Variants in CCDC60 observed in about 807,000 individuals in gnomAD.
The protein encoded by CCDC60 is coiled-coil domain containing 60, also known as coiled-coil domain-containing protein 60.
CCDC60 carries 54 observed loss-of-function variants against 63.5 expected under a neutral mutation model. The observed-to-expected ratio is 0.85, with a 90% confidence interval of 0.68 to 1.07. CCDC60 has a LOEUF of 1.07. Among genes scored for constraint, CCDC60 ranks in the 50% least tolerant of loss-of-function variants. CCDC60 has a pLI of 0.00. For missense variants in CCDC60, 651 were observed against 684.3 expected (o/e 0.95, Z 0.54); for synonymous variants, 206 against 238.8 (o/e 0.86, Z 1.27).
chr12:119,435,491 G>A (rs537033358), intron 2 of CCDC60, among the ~76,000 whole-genome samples: 4 of 152,320 alleles, frequency 2.6e-5, no homozygotes, highest in Admixed American at 2.0e-4. Flanking sequence ...GCTGGAAGGA[G>A]GAGGTAGTAA....
intron 1 of CCDC60, among the ~76,000 whole-genome samples, chr12:119,385,916 A>G (rs1187179017): frequency 1.3e-5 from 2 of 152,174 alleles, no homozygotes; most frequent in Non-Finnish European, 2.9e-5. Flanking sequence ...GTCTGTGCAA[A>G]TAGTCCCTTT....
chr12:119,454,448 A>G (rs891196355), intron 2 of CCDC60, among the ~76,000 whole-genome samples: 1 of 152,056 alleles, frequency 6.6e-6, no homozygotes, highest in Admixed American at 6.6e-5. Context: ...CTCATTTCTT[A>G]CAGGCTCAGA....
At position 119,420,967 on chromosome 12, in the gene CCDC60, C is replaced by A. The variant is rs1377870027; in HGVS notation, c.91-7716C>A. Among the ~76,000 whole-genome samples the A allele has an allele frequency of 6.6e-6, 1 of 152,194 alleles. No individual in the cohort carries two copies. The highest frequency in any genetic ancestry group is 2.4e-5 in the African/African-American group (1 of 41,444). ...ATGATCCCGCCTACTCTGTTCTTTA[C>A]AGCTTCTCCATAATGAGTCTGAAAT... On this transcript the variant is annotated intron_variant, in intron 1 of 13. Transcript: ENST00000327554. This position sits in a 1 kb window ranked among gnomAD's most constrained non-coding sequence, Gnocchi z 4.1.
chr12:119,394,856 A>AG (rs1956222516), intron 1 of CCDC60, among the ~76,000 whole-genome samples: 1 of 152,190 alleles, frequency 6.6e-6, no homozygotes, highest in African/African-American at 2.4e-5. Flanking sequence ...AAAACAAGTA[A>AG]CTTTAGTGCA....
chr12:119,418,056 G>A (rs780577036), intron 1 of CCDC60, among the ~76,000 whole-genome samples: 10 of 152,140 alleles, frequency 6.6e-5, no homozygotes, highest in Non-Finnish European at 1.0e-4. Context: ...TGCAAAAATA[G>A]TACAACAGGC....
intron 1 of CCDC60, among the ~76,000 whole-genome samples, chr12:119,405,030 A>G (rs907371520): frequency 2.6e-5 from 4 of 152,208 alleles, no homozygotes; most frequent in African/African-American, 9.7e-5. Flanking sequence ...AAGGGCATCC[A>G]TGCTTGCTCC....
chr12:119,458,282 A>G (rs1250038246), intron 2 of CCDC60, among the ~76,000 whole-genome samples: 2 of 152,240 alleles, frequency 1.3e-5, no homozygotes, highest in Non-Finnish European at 2.9e-5. Flanking sequence ...TCAGATTGCC[A>G]TGAGTGTTTG....
chr12:119,353,442 A>ATC (rs560596317), intron 1 of CCDC60, among the ~76,000 whole-genome samples: 15,826 of 147,014 alleles, frequency 0.11, 1,563 homozygotes, highest in East Asian at 0.55. Context: ...ATCTCTCAAA[A>ATC]TCTCTCTCTC....
chr12:119,432,883 A>C (rs1475525921), intron 2 of CCDC60, among the ~76,000 whole-genome samples: 2 of 152,256 alleles, frequency 1.3e-5, no homozygotes, highest in Non-Finnish European at 2.9e-5. Flanking sequence ...ATTCTATTAA[A>C]GCACAGGTAA....
intron 11 of CCDC60, chr12:119,524,593 G>A (rs1384598928): frequency 3.6e-6 from 1 of 277,994 alleles, no homozygotes; most frequent in African/African-American, 2.3e-5. Flanking sequence ...AAACAGGAAA[G>A]TAGCACACAG....
At chr12:119,436,368 A>G (rs1950324887) in intron 2 of CCDC60, among the ~76,000 whole-genome samples, 2 of 152,124 alleles carry the variant, frequency 1.3e-5, no homozygotes, top group African/African-American at 4.8e-5. Flanking sequence ...ACTAAGAGAA[A>G]GGGATGCCAG....
intron 8 of CCDC60, among the ~76,000 whole-genome samples, chr12:119,519,532 G>A (rs888686437): frequency 2.7e-5 from 4 of 148,378 alleles, no homozygotes; most frequent in Non-Finnish European, 4.4e-5. Flanking sequence ...GTGCGATCTC[G>A]GATCACTGCA....
intron 1 of CCDC60, among the ~76,000 whole-genome samples, chr12:119,384,432 T>C (rs1853177046): frequency 6.6e-6 from 1 of 152,190 alleles, no homozygotes; most frequent in African/African-American, 2.4e-5. Context: ...ATCTACTTCA[T>C]TTTCCATCCC....
chr12:119,474,378 G>A (rs1271885983), intron 3 of CCDC60, among the ~76,000 whole-genome samples: 1 of 152,218 alleles, frequency 6.6e-6, no homozygotes, highest in Admixed American at 6.5e-5. Context: ...TTCTGTTCTT[G>A]AGAATGTTAA....
intron 1 of CCDC60, among the ~76,000 whole-genome samples, chr12:119,403,272 A>C (rs994272521): frequency 4.6e-5 from 7 of 152,238 alleles, no homozygotes; most frequent in South Asian, 4.2e-4. Flanking sequence ...GGGAGGTGGA[A>C]TATTTTGATT....
At chr12:119,385,246 C>A (rs1956048551) in intron 1 of CCDC60, among the ~76,000 whole-genome samples, 1 of 152,196 alleles carries the variant, frequency 6.6e-6, no homozygotes, top group Non-Finnish European at 1.5e-5. Flanking sequence ...TTAATGACCT[C>A]CCTTGCTCTC....
At chr12:119,353,219 T>C (rs117328485) in intron 1 of CCDC60, among the ~76,000 whole-genome samples, 5 of 152,118 alleles carry the variant, frequency 3.3e-5, no homozygotes, top group African/African-American at 1.2e-4. Context: ...CAGATTCCAC[T>C]GTTCCTTGTC....
chr12:119,475,446 T>C (rs934519771), intron 3 of CCDC60, among the ~76,000 whole-genome samples: 1 of 152,252 alleles, frequency 6.6e-6, no homozygotes, highest in African/African-American at 2.4e-5. Context: ...AGTTTAAATA[T>C]GCATGAGATC....
chr12:119,487,911 G>A (rs1405804019), intron 4 of CCDC60, among the ~76,000 whole-genome samples: 1 of 152,102 alleles, frequency 6.6e-6, no homozygotes, highest in Non-Finnish European at 1.5e-5. Context: ...GTGTGACCTT[G>A]GCTCACTACA....
Sources: gnomAD v4.1 joint callset for allele counts (sites outside exome capture counted in the v4.1 genomes callset) on GRCh38, gnomAD v4.1.1 for gene constraint, Gnocchi (gnomAD v3.1) non-coding constraint, MANE v1.5 for transcripts, NCBI Gene and HGNC (gene_info 2026-07-23, HGNC 2026-07-21) for gene names.